Variants in RAB27B observed in about 807,000 individuals in gnomAD.
RAB27B encodes the protein RAB27B, member RAS oncogene family, also known as ras-related protein Rab-27B.
RAB27B carries 15 observed loss-of-function variants against 24.6 expected under a neutral mutation model. That is an observed-to-expected ratio of 0.61 (90% CI 0.41 to 0.94). The LOEUF (loss-of-function observed/expected upper bound fraction) is 0.94, where lower values mean the gene tolerates loss of function less well. Among genes scored for constraint, RAB27B ranks in the 40% least tolerant of loss-of-function variants. The pLI is 0.00. For synonymous variants in RAB27B, 105 were observed against 92.5 expected (o/e 1.14, Z -0.78); for missense variants, 261 against 266.8 (o/e 0.98, Z 0.15).
intron 1 of RAB27B, among the ~76,000 whole-genome samples, chr18:54,841,171 TG>T (rs1409576382): frequency 1.0e-4 from 1 of 9,642 alleles, no homozygotes; most frequent in Non-Finnish European, 4.0e-4. Flanking sequence ...GTGGGGGGTT[TG>T]GTGAGAGGGG....
At chr18:54,746,072 A>G (rs1186489420) in intron 2 of RAB27B, among the ~76,000 whole-genome samples, 1 of 152,082 alleles carries the variant, frequency 6.6e-6, no homozygotes, top group Non-Finnish European at 1.5e-5. Flanking sequence ...CAAGATATTG[A>G]TATGTGAGAT....
chr18:54,826,291 A>G (rs1910469883), upstream of RAB27B, among the ~76,000 whole-genome samples: 1 of 152,170 alleles, frequency 6.6e-6, no homozygotes, highest in Non-Finnish European at 1.5e-5. Context: ...TATTACTATT[A>G]TTATCATGAC....
chr18:54,842,863 C>G lies in RAB27B; in HGVS notation c.-20+14163C>G, dbSNP rs933224211. 9.9e-5 allele frequency among the ~76,000 whole-genome samples: 15 copies of G among 152,238 alleles called. No homozygotes were observed. The East Asian group carries it at 2.9e-3, about 29-fold the overall frequency. On this transcript the variant is annotated intron_variant, in intron 1 of 5. Transcript: ENST00000262094. ...AGGTTGGAGTGCAGTGGCGGGATCT[C>G]GGCTCACTGCAAGCTCTGCCTCCCG...
intron 2 of RAB27B, among the ~76,000 whole-genome samples, chr18:54,789,453 ATAAT>A (rs1166604088): frequency 6.6e-6 from 1 of 152,140 alleles, no homozygotes; most frequent in African/African-American, 2.4e-5. Context: ...TATTGTCCCA[ATAAT>A]TAATAAATAA....
At chr18:54,778,857 T>A (rs1204161229) in intron 2 of RAB27B, among the ~76,000 whole-genome samples, 1 of 151,828 alleles carries the variant, frequency 6.6e-6, no homozygotes, top group Admixed American at 6.6e-5. Flanking sequence ...TTTTTTTTTT[T>A]CTTAGACAGA....
At chr18:54,761,540 A>G (rs965749132) in intron 2 of RAB27B, among the ~76,000 whole-genome samples, 23 of 152,204 alleles carry the variant, frequency 1.5e-4, no homozygotes, top group African/African-American at 5.5e-4. Flanking sequence ...TACATACAAC[A>G]GTTATAAACC....
rs140781142 is a variant in RAB27B, at chr18:54,755,142, C to G, written c.-20+37001C>G. Among the ~76,000 whole-genome samples, 454 of 152,284 alleles carry G rather than the reference C, an allele frequency of 3.0e-3. 6 individuals are homozygous for G. Among genetic ancestry groups the G allele is most frequent in the South Asian group, 0.029 (139 of 4,826 alleles). On this transcript the variant is annotated intron_variant, in intron 2 of 4. Transcript: ENST00000586570. ...CAGTGGTTCACACCTGTAATCCCAG[C>G]ACTTTGAGGGGCCCAGGCAGGCGGA...
chr18:54,812,407 A>C (rs1909990958), intron 2 of RAB27B, among the ~76,000 whole-genome samples: 1 of 152,168 alleles, frequency 6.6e-6, no homozygotes, highest in Non-Finnish European at 1.5e-5. Flanking sequence ...CGAGTAAAGA[A>C]ATTTTATTGC....
intron 1 of RAB27B, among the ~76,000 whole-genome samples, 177 bp downstream of exon 1, chr18:54,828,877 G>A (rs763675870): frequency 2.0e-5 from 3 of 152,164 alleles, no homozygotes; most frequent in Non-Finnish European, 4.4e-5. Context: ...AGACAGTAGT[G>A]CTGTGTGCTG....
At chr18:54,763,920 G>C (rs1908277351) in intron 2 of RAB27B, among the ~76,000 whole-genome samples, 1 of 151,990 alleles carries the variant, frequency 6.6e-6, no homozygotes, top group Non-Finnish European at 1.5e-5. Flanking sequence ...ATTGAGAAGG[G>C]GAAACTTTCT....
intron 1 of RAB27B, among the ~76,000 whole-genome samples, chr18:54,834,794 CTTTAT>C (rs1323799712): frequency 6.7e-6 from 1 of 149,934 alleles, no homozygotes; most frequent in African/African-American, 2.5e-5. Flanking sequence ...AAGCATAAGA[CTTTAT>C]TTTAGTCCTC....
intron 1 of RAB27B, among the ~76,000 whole-genome samples, chr18:54,829,647 T>C (rs931899979): frequency 6.6e-6 from 1 of 152,226 alleles, no homozygotes; most frequent in Non-Finnish European, 1.5e-5. Context: ...CACATATTCA[T>C]TCATATATAG....
chr18:54,726,455 G>A (rs1398049853), intron 2 of RAB27B, among the ~76,000 whole-genome samples: 4 of 151,432 alleles, frequency 2.6e-5, no homozygotes, highest in Non-Finnish European at 5.9e-5. Context: ...TTTTAAACTA[G>A]CCTGAGTTAT....
chr18:54,885,035 G>A (rs1007111685), intron 4 of RAB27B, among the ~76,000 whole-genome samples: 2 of 152,072 alleles, frequency 1.3e-5, no homozygotes, highest in Non-Finnish European at 2.9e-5. Flanking sequence ...TGGAAACTTC[G>A]ATATAGTACA....
intron 2 of RAB27B, among the ~76,000 whole-genome samples, chr18:54,780,886 T>A (rs7241856): frequency 0.55 from 83,904 of 152,008 alleles, 23,729 homozygotes; most frequent in Middle Eastern, 0.63. Context: ...ATGCTGAGCT[T>A]TGTACTGGGA....
Position 54,884,367 on chromosome 18 carries a change from G to C in RAB27B, c.274G>C (p.Ala92Pro). Residue 92 changes from alanine to proline, a missense_variant, in exon 4 of 6, where the codon GCC becomes CCC. Ala to Pro is a conservative substitution (Grantham distance 27, BLOSUM62 -1). Coordinates refer to ENST00000262094, the MANE Select transcript of RAB27B (RefSeq NM_004163.4). Reference sequence around the variant, plus strand: ...TCTCACCACTGCATTTTTCAGAGACGCCATGGGCTTCTTATTAATGTTTGA... The same window carrying C: ...TCTCACCACTGCATTTTTCAGAGACCCCATGGGCTTCTTATTAATGTTTGA... ...RSLTTAFFRD[A>P]MGFLLMFDLT... 6.2e-7 allele frequency: 1 copy of C among 1,612,702 alleles called. No individual in the cohort carries two copies. The highest frequency in any genetic ancestry group is 8.5e-7 in the Non-Finnish European group (1 of 1,178,962).
intron 2 of RAB27B, among the ~76,000 whole-genome samples, chr18:54,721,865 G>A (rs1010376377): frequency 1.3e-5 from 2 of 152,160 alleles, no homozygotes; most frequent in Non-Finnish European, 2.9e-5. Flanking sequence ...TATCATCAGG[G>A]ATCCAGGTGA....
At chr18:54,807,564 T>C (rs865923749) in intron 2 of RAB27B, among the ~76,000 whole-genome samples, 6 of 152,190 alleles carry the variant, frequency 3.9e-5, no homozygotes, top group Non-Finnish European at 7.3e-5. Context: ...TCTATCAATA[T>C]GCGTATCATC....
At chr18:54,825,074 C>T (rs140689934), upstream of RAB27B, among the ~76,000 whole-genome samples, 1 of 152,268 alleles carries the variant, frequency 6.6e-6, no homozygotes, top group African/African-American at 2.4e-5. Context: ...TCAAGCTTGG[C>T]TGACAGTTTG....
Sources: allele counts gnomAD v4.1 joint callset (sites outside exome capture counted in the v4.1 genomes callset), GRCh38; gene constraint gnomAD v4.1.1; transcripts MANE v1.5; gene names NCBI Gene and HGNC (gene_info 2026-07-23, HGNC 2026-07-21).